The following NEDD4L variants were observed in gnomAD, a reference collection of about 807,000 sequenced individuals.
The protein encoded by NEDD4L is NEDD4 like E3 ubiquitin protein ligase.
Under a neutral mutation model 148.9 loss-of-function variants are expected in NEDD4L, and 54 were observed. The observed-to-expected ratio is 0.36, with a 90% CI of 0.29 to 0.45. NEDD4L has a LOEUF of 0.45. Ranked by LOEUF, NEDD4L falls within the 20% of genes least tolerant of loss-of-function variation. The pLI is 1.00. For synonymous variants in NEDD4L, 433 were observed against 440.7 expected, an observed-to-expected ratio of 0.98 and a Z score of 0.22; for missense variants, 856 against 1,233.8, an observed-to-expected ratio of 0.69 and a Z score of 4.59.
chr18:58,129,294 G>A (rs138930756), intron 1 of NEDD4L, among the ~76,000 whole-genome samples: 7 of 152,306 alleles, frequency 4.6e-5, no homozygotes, highest in Non-Finnish European at 2.9e-5. Context: ...AAAACACAAC[G>A]GTGGATTCAG....
chr18:58,196,335 GT>G (rs2147288806), intron 2 of NEDD4L, among the ~76,000 whole-genome samples: 1 of 152,254 alleles, frequency 6.6e-6, no homozygotes, highest in South Asian at 2.1e-4. Flanking sequence ...TTTCTCATTT[GT>G]TTTATAACCT....
intron 1 of NEDD4L, among the ~76,000 whole-genome samples, chr18:58,080,779 G>T (rs1304408001): frequency 7.9e-5 from 12 of 152,336 alleles, no homozygotes; most frequent in Admixed American, 6.5e-4. Flanking sequence ...GGTGGAGTGA[G>T]TTGGAGCCTG....
intron 1 of NEDD4L, among the ~76,000 whole-genome samples, chr18:58,150,489 G>A (rs1162791546): frequency 6.6e-6 from 1 of 152,232 alleles, no homozygotes; most frequent in Non-Finnish European, 1.5e-5. Context: ...GCCTCCCAAA[G>A]TGCTGGGATT....
At chr18:58,139,966 A>T (rs1297262344) in intron 1 of NEDD4L, among the ~76,000 whole-genome samples, 3 of 152,174 alleles carry the variant, frequency 2.0e-5, no homozygotes, top group Non-Finnish European at 4.4e-5. Flanking sequence ...GATCAGATTT[A>T]TATTTTGCTT....
At chr18:58,077,361 T>TA (rs1269005328) in intron 1 of NEDD4L, among the ~76,000 whole-genome samples, 1 of 151,786 alleles carries the variant, frequency 6.6e-6, no homozygotes, top group Non-Finnish European at 1.5e-5. Context: ...GAGATAGGCT[T>TA]TTGCCATGTT....
chr18:58,193,947 C>T (rs1207400583), intron 2 of NEDD4L: 2 of 152,318 alleles, frequency 1.3e-5, no homozygotes, highest in African/African-American at 2.4e-5. Context: ...TTAGCTGTTC[C>T]GTTCTGGGGA....
chr18:58,245,337 A>G, intron 2 of NEDD4L, 90 bp from the exon 3 acceptor site: 1 of 654,734 alleles, frequency 1.5e-6, no homozygotes, highest in Non-Finnish European at 2.7e-6. Context: ...CTGAGACTTT[A>G]ACTGATATTT....
chr18:58,385,656 C>A, intron 26 of NEDD4L, 70 bp downstream of exon 26: 1 of 1,269,190 alleles, frequency 7.9e-7, no homozygotes. Context: ...TCGCGCTTCT[C>A]CTTTAGCTAG....
chr18:58,302,252 G>T (rs771620880), intron 5 of NEDD4L, among the ~76,000 whole-genome samples: 5 of 152,182 alleles, frequency 3.3e-5, no homozygotes, highest in Non-Finnish European at 7.3e-5. Context: ...GGGAAAAAAA[G>T]AAGTCATTTC....
intron 2 of NEDD4L, among the ~76,000 whole-genome samples, chr18:58,186,322 A>C (rs982553370): frequency 6.6e-6 from 1 of 152,220 alleles, no homozygotes; most frequent in African/African-American, 2.4e-5. Flanking sequence ...GCATTTGCAG[A>C]GAGAGATGGT....
chr18:58,308,520 A>G (rs1248006556), intron 5 of NEDD4L, among the ~76,000 whole-genome samples: 1 of 152,224 alleles, frequency 6.6e-6, no homozygotes, highest in African/African-American at 2.4e-5. Flanking sequence ...AACATTGAAG[A>G]GGCAGTCGTT....
intron 2 of NEDD4L, among the ~76,000 whole-genome samples, chr18:58,169,825 C>A (rs2037346015): frequency 6.6e-6 from 1 of 152,150 alleles, no homozygotes. Flanking sequence ...GCCACACAGG[C>A]TGCTGCTCTG....
chr18:58,371,034 A>AT (rs1043413225), intron 23 of NEDD4L, among the ~76,000 whole-genome samples: 99 of 149,008 alleles, frequency 6.6e-4, no homozygotes, highest in Non-Finnish European at 8.8e-4. Context: ...GAAGGATTTT[A>AT]TTTTTTTTTT....
chr18:58,049,956 A>T (rs2081782304), intron 1 of NEDD4L, among the ~76,000 whole-genome samples: 1 of 133,034 alleles, frequency 7.5e-6, no homozygotes, highest in Non-Finnish European at 1.5e-5. Flanking sequence ...AGCCTGGGCG[A>T]CAGAGTGAGA....
intron 5 of NEDD4L, among the ~76,000 whole-genome samples, chr18:58,309,210 C>T (rs907213077): frequency 1.3e-5 from 2 of 152,204 alleles, no homozygotes; most frequent in African/African-American, 4.8e-5. Flanking sequence ...GGCCACGCCT[C>T]ATCAGTGGCA....
intron 1 of NEDD4L, among the ~76,000 whole-genome samples, chr18:58,100,147 T>C (rs2084666630): frequency 6.6e-6 from 1 of 152,092 alleles, no homozygotes; most frequent in South Asian, 2.1e-4. Flanking sequence ...CCTGCTGCTG[T>C]GGGCTCAGGG....
intron 1 of NEDD4L, among the ~76,000 whole-genome samples, chr18:58,124,402 C>T (rs952844381): frequency 7.9e-5 from 12 of 152,326 alleles, no homozygotes; most frequent in Non-Finnish European, 1.5e-4. Flanking sequence ...CTCGATGGCT[C>T]CTCCTTGGTC....
chr18:58,149,489 C>T, intron 1 of NEDD4L: 3 of 1,550,928 alleles, frequency 1.9e-6, no homozygotes, highest in Non-Finnish European at 2.6e-6. Flanking sequence ...CTTGAGTTTT[C>T]CAGCTTTCCT....
chr18:58,249,678 A>G (rs1254862078), intron 4 of NEDD4L, among the ~76,000 whole-genome samples: 2 of 152,242 alleles, frequency 1.3e-5, no homozygotes, highest in Non-Finnish European at 2.9e-5. Flanking sequence ...ACCTCCAGAA[A>G]TAATCCAGGT....
Sources: allele counts gnomAD v4.1 joint callset (sites outside exome capture counted in the v4.1 genomes callset), GRCh38; gene constraint gnomAD v4.1.1; transcripts MANE v1.5; gene names NCBI Gene and HGNC (gene_info 2026-07-23, HGNC 2026-07-21).